Variants in FBXW11 observed in about 807,000 individuals in gnomAD.
FBXW11 encodes F-box and WD repeat domain containing 11, also known as F-box/WD repeat-containing protein 11.
In FBXW11, 19 loss-of-function variants were observed where a neutral mutation model predicts 77.6. That is an observed-to-expected ratio of 0.24 (90% CI 0.17 to 0.36). The LOEUF (loss-of-function observed/expected upper bound fraction) is 0.36, where lower values mean the gene tolerates loss of function less well. FBXW11 is among the 10% of genes least tolerant of loss of function. FBXW11 has a pLI of 1.00. For missense variants in FBXW11, 334 were observed against 704.2 expected (o/e 0.47, Z 5.95); for synonymous variants, 235 against 249.4 (o/e 0.94, Z 0.54).
intron 1 of FBXW11, among the ~76,000 whole-genome samples, chr5:171,968,382 C>T (rs1156828682): frequency 1.3e-5 from 2 of 150,022 alleles, no homozygotes; most frequent in Non-Finnish European, 3.0e-5. Flanking sequence ...GGTGCGAACC[C>T]GGGAGGCGGA....
intron 1 of FBXW11, among the ~76,000 whole-genome samples, chr5:171,990,308 G>A (rs1185317060): frequency 2.0e-5 from 3 of 151,966 alleles, no homozygotes; most frequent in Admixed American, 6.6e-5. Context: ...GTTAATGGAG[G>A]AAAAAGAGAA....
intron 2 of FBXW11, among the ~76,000 whole-genome samples, chr5:171,950,902 T>G (rs1315865647): frequency 2.6e-5 from 4 of 151,906 alleles, no homozygotes; most frequent in Non-Finnish European, 5.9e-5. Flanking sequence ...AATACATAAA[T>G]AAATAATTTT....
intron 1 of FBXW11, among the ~76,000 whole-genome samples, chr5:171,997,226 C>CTG (rs746699530): frequency 1.3e-3 from 193 of 152,346 alleles, no homozygotes; most frequent in Middle Eastern, 3.4e-3. Flanking sequence ...TTCCTCACCT[C>CTG]TGTGTTGAAA....
At chr5:171,996,792 C>T (rs928652216) in intron 1 of FBXW11, 8 of 855,176 alleles carry the variant, frequency 9.4e-6, no homozygotes, top group African/African-American at 8.9e-5. Context: ...TCTCCCTTTC[C>T]CTATTAATGG....
At chr5:171,890,159 T>G (rs1212894195) in intron 7 of FBXW11, among the ~76,000 whole-genome samples, 1 of 152,068 alleles carries the variant, frequency 6.6e-6, no homozygotes, top group Non-Finnish European at 1.5e-5. Context: ...AAATGAGGTA[T>G]GTTCACATAC....
At chr5:171,956,553 C>A (rs1399486083) in intron 2 of FBXW11, among the ~76,000 whole-genome samples, 1 of 152,174 alleles carries the variant, frequency 6.6e-6, no homozygotes. Flanking sequence ...AAATAAAATG[C>A]CTGACTCCAA....
intron 2 of FBXW11, among the ~76,000 whole-genome samples, chr5:171,938,862 A>G (rs1284226264): frequency 6.6e-6 from 1 of 152,236 alleles, no homozygotes; most frequent in Non-Finnish European, 1.5e-5. Context: ...CTGATATAGA[A>G]TAACTTTCAG....
At chr5:171,936,490 T>C (rs1388020422) in intron 2 of FBXW11, among the ~76,000 whole-genome samples, 1 of 139,874 alleles carries the variant, frequency 7.1e-6, no homozygotes, top group Non-Finnish European at 1.5e-5. Flanking sequence ...AGTGAGAGCC[T>C]GTCTCACCAA....
At chr5:171,909,730 C>T (rs2113926531) in intron 4 of FBXW11, among the ~76,000 whole-genome samples, 1 of 152,212 alleles carries the variant, frequency 6.6e-6, no homozygotes, top group South Asian at 2.1e-4. Context: ...TGCATGTACA[C>T]ACCTATGTGT....
At chr5:171,999,644 T>C (rs746265919) in intron 1 of FBXW11, among the ~76,000 whole-genome samples, 4 of 152,108 alleles carry the variant, frequency 2.6e-5, no homozygotes, top group Non-Finnish European at 4.4e-5. Context: ...TGGTTCAATG[T>C]TCTCCAGTTA....
chr5:171,905,944 T>A (rs903343348), intron 4 of FBXW11, among the ~76,000 whole-genome samples: 1 of 152,144 alleles, frequency 6.6e-6, no homozygotes, highest in Non-Finnish European at 1.5e-5. Flanking sequence ...GAGGCCATAA[T>A]ACTTCGCACA....
At chr5:171,980,501 A>G (rs1217163439) in intron 1 of FBXW11, among the ~76,000 whole-genome samples, 3 of 152,234 alleles carry the variant, frequency 2.0e-5, no homozygotes, top group Admixed American at 6.5e-5. Flanking sequence ...CCAGACTATA[A>G]AAAGACTCAT....
In FBXW11 at chr5:171,878,129, T is replaced by A. The variant is rs766938293; in HGVS notation, c.853A>T (p.Ile285Leu). The change falls in exon 8 of 14, where the codon ATA (isoleucine) becomes TTA (leucine). Residue 285 changes from isoleucine (I) to leucine (L), a missense_variant and splice_region_variant. Ile to Leu is a conservative substitution (Grantham distance 5). Around this residue, in one of 10 missense-constraint regions of FBXW11, gnomAD observed 70 missense variants for 136.6 expected, o/e 0.51. Transcript: ENST00000517395. ...ISGLRDNSIKIWDKTSLECLK... is the reference protein window; with the variant it reads ...ISGLRDNSIKLWDKTSLECLK... ...CATTCCAGGCTGGTTTTATCCCATA[T>A]CTATTGAGACAAGATTAGCCACAAA... 6.2e-7 allele frequency: 1 copy of A among 1,606,008 alleles called. No homozygotes were observed. Among genetic ancestry groups the A allele is most frequent in the Non-Finnish European group, 8.5e-7 (1 of 1,173,494 alleles).
intron 7 of FBXW11, among the ~76,000 whole-genome samples, chr5:171,882,072 T>G (rs1409824412): frequency 6.6e-6 from 1 of 152,242 alleles, no homozygotes; most frequent in East Asian, 1.9e-4. Flanking sequence ...TTCATTGATC[T>G]CTGCCCTACT....
At chr5:171,974,302 C>T (rs1764694603) in intron 1 of FBXW11, among the ~76,000 whole-genome samples, 1 of 151,870 alleles carries the variant, frequency 6.6e-6, no homozygotes, top group African/African-American at 2.4e-5. Context: ...GGCGTGGTGG[C>T]ACATGCCTGT....
intron 6 of FBXW11, among the ~76,000 whole-genome samples, chr5:171,894,545 C>A (rs569993859): frequency 6.6e-6 from 1 of 152,152 alleles, no homozygotes; most frequent in Non-Finnish European, 1.5e-5. Flanking sequence ...TTGCTGCGCA[C>A]CAATCCTGGG....
chr5:171,934,602 G>A (rs981957977), intron 2 of FBXW11, among the ~76,000 whole-genome samples: 6 of 151,314 alleles, frequency 4.0e-5, no homozygotes, highest in Admixed American at 1.3e-4. Context: ...GCTTGAACCC[G>A]GGAGGCAGAG....
intron 7 of FBXW11, among the ~76,000 whole-genome samples, chr5:171,880,365 G>C (rs1758419076): frequency 1.3e-5 from 2 of 152,208 alleles, no homozygotes; most frequent in Admixed American, 1.3e-4. Context: ...AATTCTTCAA[G>C]TAGGGTAGTG....
rs757678376 is a variant in FBXW11 at position 171,893,421 on chromosome 5, C to CAAAAAAAAAAAACAAAAAAAA, written c.715-1818_715-1817insTTTTTTTTGTTTTTTTTTTTT. On this transcript the variant is annotated intron_variant, in intron 6 of 13. Coordinates refer to ENST00000517395, the MANE Select transcript of FBXW11 (RefSeq NM_001378974.1). ...GACATACAAAAGCACACTTCAAAACCAAAAAAAAAAAAAAAAAAAAAAAAA... is the reference window on the plus strand; with the variant it reads ...GACATACAAAAGCACACTTCAAAACCAAAAAAAAAAAACAAAAAAAAAAAAAAAAAAAAAAAAAAAAAAAAA... 1.0e-4 allele frequency among the ~76,000 whole-genome samples: 4 copies of CAAAAAAAAAAAACAAAAAAAA among 39,840 alleles called. 1 individual carries two copies. The highest frequency in any genetic ancestry group is 1.8e-4 in the Non-Finnish European group (4 of 22,466). 26.1% of individuals were successfully genotyped at this position (39,840 alleles called of 152,430 possible).
Sources: allele counts gnomAD v4.1 joint callset (sites outside exome capture counted in the v4.1 genomes callset), GRCh38; gene constraint gnomAD v4.1.1; regional missense constraint gnomAD v4.1.1; transcripts MANE v1.5; gene names NCBI Gene and HGNC (gene_info 2026-07-23, HGNC 2026-07-21).